DNAH8: variants seen among roughly 807,000 people sequenced by gnomAD.
The protein encoded by DNAH8 is dynein axonemal heavy chain 8.
A neutral mutation model predicts 562.1 loss-of-function variants in DNAH8; 382 were observed. That is an observed-to-expected ratio of 0.68 (90% CI 0.63 to 0.74). The LOEUF (loss-of-function observed/expected upper bound fraction) is 0.74. DNAH8 is among the 30% of genes least tolerant of loss of function. The pLI, the probability that DNAH8 is intolerant of heterozygous loss-of-function variation, is 0.00. For missense variants in DNAH8, 5,203 were observed against 5,620.4 expected (o/e 0.93, Z 2.37); for synonymous variants, 1,881 against 1,919.4 (o/e 0.98, Z 0.52).
At position 38,815,652 on chromosome 6, in the gene DNAH8, A is replaced by C; in HGVS notation, c.3518A>C (p.Glu1173Ala). 1 of 1,609,914 alleles carries C rather than the reference A, an allele frequency of 6.2e-7. No homozygotes were observed. The highest frequency in any genetic ancestry group is 8.5e-7 in the Non-Finnish European group (1 of 1,177,234). Reference sequence around the variant, plus strand: ...AACACAGGAAAACTGCTGAAGAAGGAAGAAAGTAAGAATGTAAAATTAGTC... The same window carrying C: ...AACACAGGAAAACTGCTGAAGAAGGCAGAAAGTAAGAATGTAAAATTAGTC... ...HQNTGKLLKK[E>A]ERSFEEAIPA... is the part of the protein sequence containing the mutation. The change falls in exon 26 of 93, where the codon GAA becomes GCA. Residue 1173 changes from glutamate to alanine, a missense_variant. By Grantham distance (107) the Glu-to-Ala change is moderately radical. This residue lies in a region of DNAH8 where 2,176 missense variants were observed against 2,365.1 expected (regional missense o/e 0.92). Coordinates refer to ENST00000327475, the MANE Select transcript of DNAH8 (RefSeq NM_001206927.2).
At chr6:38,872,515 A>G (rs754865774) in intron 49 of DNAH8, 21 bp from the exon 50 acceptor site, 1 of 1,602,704 alleles carries the variant, frequency 6.2e-7, no homozygotes, top group Non-Finnish European at 8.5e-7. Flanking sequence ...ACATATTTTA[A>G]TTTACTGGTT....
At chr6:38,832,659 A>G (rs1773940075) in intron 31 of DNAH8, among the ~76,000 whole-genome samples, 1 of 152,368 alleles carries the variant, frequency 6.6e-6, no homozygotes, top group South Asian at 2.1e-4. Context: ...TGGGCCACAC[A>G]TAAAATACGC....
rs910401252 is a variant in DNAH8, at chr6:38,763,781, A to G, written c.1617+1978A>G. 3.3e-5 allele frequency: 5 copies of G among 153,696 alleles called. No individual in the cohort carries two copies. The East Asian group carries it at 9.6e-4, about 29-fold the overall frequency. The allele number at this position is 153,696 out of a possible 1,614,324, so 9.5% of individuals were successfully genotyped here. A position where few individuals can be genotyped will look rare whatever the true frequency, so the allele number is the denominator to read the frequency against. On this transcript the variant is annotated intron_variant, in intron 11 of 92. Coordinates refer to ENST00000327475, the MANE Select transcript of DNAH8 (RefSeq NM_001206927.2). The stretch of plus-strand genomic sequence containing the variant: ...AGCCGTGATCACACCACTGCACTCC[A>G]GCTTGGGTGAGAGCAAGACTCTGTT...
chr6:38,852,202 A>G (rs1210221534), intron 39 of DNAH8, among the ~76,000 whole-genome samples: 1 of 152,210 alleles, frequency 6.6e-6, no homozygotes, highest in African/African-American at 2.4e-5. Context: ...AAACCGTAGC[A>G]AACTGAGAGT....
rs1433581910 is a variant in DNAH8 at position 38,848,658 on chromosome 6, C to G, written c.5056C>G (p.Pro1686Ala). 6.2e-7 allele frequency: 1 copy of G among 1,609,620 alleles called. No homozygotes were observed. Among genetic ancestry groups the G allele is most frequent in the Non-Finnish European group, 8.5e-7 (1 of 1,176,808 alleles). Residue 1686 changes from proline (P) to alanine (A), a missense_variant, in exon 37 of 93, where the codon CCA (proline) becomes GCA (alanine). Physicochemically the swap from Pro to Ala is conservative, Grantham distance 27 (BLOSUM62 -1). Around this residue, in one of 6 missense-constraint regions of DNAH8, gnomAD observed 2,176 missense variants for 2,365.1 expected, o/e 0.92. Transcript: ENST00000327475. ...GTTCTTACCTTTTAGATACAATGCT[C>G]CATTTAAAAAAAATATCCAGAATTG... ...GSLLSNRYNAPFKKNIQNWVY... is the reference protein window; with the variant it reads ...GSLLSNRYNAAFKKNIQNWVY...
chr6:38,834,619 G>A lies in DNAH8; in HGVS notation c.4343G>A (p.Ser1448Asn). Residue 1448 changes from serine (S) to asparagine (N), a missense_variant, in exon 32 of 93, where the codon AGC (serine) becomes AAC (asparagine). Around this residue, in one of 6 missense-constraint regions of DNAH8, gnomAD observed 2,176 missense variants for 2,365.1 expected, o/e 0.92. Coordinates refer to ENST00000327475, the MANE Select transcript of DNAH8 (RefSeq NM_001206927.2). ...MVPNIPPQEA[S>N]NRLQIFQASF... ...CCAAATATACCACCCCAAGAAGCTA[G>A]CAACAGGCTACAGATATTTCAGGTG... The A allele has an allele frequency of 6.2e-7, 1 of 1,607,810 alleles. No homozygotes were observed. Among genetic ancestry groups the A allele is most frequent in the Non-Finnish European group, 8.5e-7 (1 of 1,176,942 alleles).
chr6:38,989,474 A>G (rs1764634576), intron 87 of DNAH8, among the ~76,000 whole-genome samples: 1 of 152,240 alleles, frequency 6.6e-6, no homozygotes, highest in African/African-American at 2.4e-5. Flanking sequence ...CTTCATGTGG[A>G]CAGGGACATA....
At chr6:38,721,145 CTAAAAA>C (rs1762717327) in intron 1 of DNAH8, among the ~76,000 whole-genome samples, 1 of 151,940 alleles carries the variant, frequency 6.6e-6, no homozygotes, top group Non-Finnish European at 1.5e-5. Flanking sequence ...AACCCTGTCT[CTAAAAA>C]TAAAAAATAA....
chr6:38,742,124 C>T (rs1279560868), intron 8 of DNAH8, among the ~76,000 whole-genome samples: 3 of 152,050 alleles, frequency 2.0e-5, no homozygotes, highest in Middle Eastern at 3.2e-3. Flanking sequence ...GGAAAGTGAT[C>T]ATCTTTTATT....
chr6:38,868,671 C>T (rs970329125), intron 48 of DNAH8, among the ~76,000 whole-genome samples: 2 of 146,690 alleles, frequency 1.4e-5, no homozygotes, highest in Non-Finnish European at 3.0e-5. Context: ...ATGGTTACAG[C>T]CTGATTTTTT....
intron 50 of DNAH8, 60 bp from the exon 51 acceptor site, chr6:38,872,846 G>A: frequency 6.3e-7 from 1 of 1,599,948 alleles, no homozygotes; most frequent in Non-Finnish European, 8.5e-7. Flanking sequence ...GTATTTTTTT[G>A]ATTTTTCCAT....
At chr6:38,806,210 G>A (rs1053243095) in intron 23 of DNAH8, among the ~76,000 whole-genome samples, 10 of 151,962 alleles carry the variant, frequency 6.6e-5, no homozygotes, top group African/African-American at 1.7e-4. Flanking sequence ...TCTCCTCCCC[G>A]GGTCAGTTTT....
At chr6:38,896,345 G>A in intron 60 of DNAH8, 120 bp downstream of exon 60, 7 of 775,116 alleles carry the variant, frequency 9.0e-6, no homozygotes, top group Non-Finnish European at 1.4e-5. Flanking sequence ...AGGCTGAGGT[G>A]GGAGGATTGC....
At position 38,722,845 on chromosome 6, in the gene DNAH8, G is replaced by A; in HGVS notation, c.36G>A (p.Glu12=). ...ATGCTGAAGATGGCGCCCCTTCTGA[G>A]GGAGCAGAGGCTCCTCCCTCTACGG... ...EKDAEDGAPS[E]GAEAPPSTEE... is the part of the protein sequence containing the mutation. Residue 12 remains glutamate, a synonymous_variant, in exon 2 of 93, where the codon GAG becomes GAA. Transcript: ENST00000327475. 5 of 1,605,470 alleles carry A rather than the reference G, an allele frequency of 3.1e-6. No individual in the cohort carries two copies. Among genetic ancestry groups the A allele is most frequent in the South Asian group, 1.1e-5 (1 of 90,324 alleles).
intron 28 of DNAH8, 103 bp from the exon 29 acceptor site, chr6:38,826,053 C>CTTGAA: frequency 2.9e-6 from 2 of 700,694 alleles, no homozygotes; most frequent in Non-Finnish European, 4.7e-6. Flanking sequence ...TCAAAAGCCA[C>CTTGAA]ATGTGGTTAG....
Position 38,943,640 on chromosome 6 carries a change from C to T in DNAH8, c.12008-1827C>T, listed in dbSNP as rs149017333. Reference sequence around the variant, plus strand: ...AGAGCAATGGACTTATCTTTCTTCCCTGTCTGGTTATTTTAGAAAGATATT... The same window carrying T: ...AGAGCAATGGACTTATCTTTCTTCCTTGTCTGGTTATTTTAGAAAGATATT... On this transcript the variant is annotated intron_variant, in intron 79 of 92. Coordinates refer to ENST00000327475, the MANE Select transcript of DNAH8 (RefSeq NM_001206927.2). Among the ~76,000 whole-genome samples, 412 of 152,266 alleles carry T rather than the reference C, an allele frequency of 2.7e-3. 1 individual carries two copies. Among genetic ancestry groups the T allele is most frequent in the African/African-American group, 9.5e-3 (395 of 41,536 alleles).
chr6:38,931,576 C>G (rs1447707130), intron 75 of DNAH8, among the ~76,000 whole-genome samples: 1 of 152,092 alleles, frequency 6.6e-6, no homozygotes, highest in Non-Finnish European at 1.5e-5. Flanking sequence ...ATAACTTTTT[C>G]ATTTGATTTG....
chr6:38,890,092 G>A (rs1779238042), intron 57 of DNAH8, among the ~76,000 whole-genome samples: 2 of 152,122 alleles, frequency 1.3e-5, no homozygotes, highest in Non-Finnish European at 2.9e-5. Context: ...TGTTCCCTAG[G>A]AATGTTGCAT....
chr6:38,742,091 A>G lies in DNAH8; in HGVS notation c.1293+204A>G, dbSNP rs372284414. Among the ~76,000 whole-genome samples the G allele has an allele frequency of 2.6e-4, 39 of 152,318 alleles. 1 individual carries two copies. In the South Asian group the frequency reaches 6.8e-3, roughly 27 times the overall value. On this transcript the variant is annotated intron_variant, in intron 8 of 92. Transcript: ENST00000327475. The stretch of plus-strand genomic sequence containing the variant: ...AGGATTTCGCAGACCAATTTTGACC[A>G]TACTACTATGGGGTGATTTTTAGGA...
Sources: allele counts gnomAD v4.1 joint callset (sites outside exome capture counted in the v4.1 genomes callset), GRCh38; gene constraint gnomAD v4.1.1; regional missense constraint gnomAD v4.1.1; transcripts MANE v1.5; gene names NCBI Gene and HGNC (gene_info 2026-07-23, HGNC 2026-07-21).